Variants in RAD51B observed in about 807,000 individuals in gnomAD.
RAD51B encodes DNA repair protein RAD51 homolog 2.
A neutral mutation model predicts 42.2 loss-of-function variants in RAD51B; 38 were observed. The observed-to-expected ratio is 0.90, with a 90% CI of 0.70 to 1.18. RAD51B has a LOEUF of 1.18. RAD51B is among the 50% of genes most tolerant of loss of function. The probability of loss-of-function intolerance (pLI) is 0.00; values close to 1 mark genes in which losing one functional copy is unlikely to be tolerated. For missense variants in RAD51B, 373 were observed against 400.7 expected (o/e 0.93, Z 0.59); for synonymous variants, 154 against 145.2 (o/e 1.06, Z -0.43).
chr14:67,872,447 A>T (rs2042573114), intron 5 of RAD51B, among the ~76,000 whole-genome samples: 4 of 146,582 alleles, frequency 2.7e-5, no homozygotes, highest in African/African-American at 7.6e-5. Context: ...GAGGATACAA[A>T]CAAATGGAAG....
At chr14:68,639,392 T>C (rs1462433804) in intron 10 of RAD51B, among the ~76,000 whole-genome samples, 1 of 143,344 alleles carries the variant, frequency 7.0e-6, no homozygotes, top group Non-Finnish European at 1.5e-5. Context: ...GGCAGGAGGC[T>C]TTTATGAGCC....
At chr14:68,321,669 G>A (rs1324372323) in intron 8 of RAD51B, among the ~76,000 whole-genome samples, 3 of 152,144 alleles carry the variant, frequency 2.0e-5, no homozygotes, top group African/African-American at 7.2e-5. Flanking sequence ...TGCCCTTTCT[G>A]TAAAAAAAGG....
chr14:67,967,491 T>G (rs2074804699), intron 7 of RAD51B, among the ~76,000 whole-genome samples: 1 of 152,220 alleles, frequency 6.6e-6, no homozygotes, highest in South Asian at 2.1e-4. Flanking sequence ...AGTTGTTTCC[T>G]AGACACAATA....
Position 68,504,463 on chromosome 14 carries a change from T to A in RAD51B, c.1036+36213T>A, listed in dbSNP as rs567237919. On this transcript the variant is annotated intron_variant, in intron 10 of 10. Transcript: ENST00000487270. ...GGTGCCGAAGCCTGAGCTGGACCAC[T>A]CACTTTAGGTAATGCCACAGCAGAC... Among the ~76,000 whole-genome samples the A allele has an allele frequency of 2.0e-5, 3 of 152,270 alleles. No homozygotes were observed. In the East Asian group the frequency reaches 5.8e-4, roughly 29 times the overall value.
intron 10 of RAD51B, chr14:68,540,187 TTTTTA>T: frequency 1.0e-5 from 10 of 960,604 alleles, no homozygotes; most frequent in African/African-American, 7.1e-5. Flanking sequence ...TTTTTTTTTT[TTTTTA>T]AATACAGGAT....
chr14:68,093,090 G>A (rs1476800976), intron 7 of RAD51B, among the ~76,000 whole-genome samples: 6 of 149,372 alleles, frequency 4.0e-5, no homozygotes, highest in Admixed American at 1.3e-4. Flanking sequence ...TGTGTTGCTG[G>A]ATTCGGTTTG....
intron 7 of RAD51B, among the ~76,000 whole-genome samples, chr14:68,256,228 C>T (rs906790877): frequency 3.3e-5 from 5 of 152,154 alleles, no homozygotes; most frequent in Non-Finnish European, 4.4e-5. Context: ...ATCTTTGTCA[C>T]CTGTCCAGGG....
intron 7 of RAD51B, among the ~76,000 whole-genome samples, chr14:68,166,317 C>T (rs958313730): frequency 2.6e-5 from 4 of 151,840 alleles, no homozygotes; most frequent in African/African-American, 9.7e-5. Context: ...CCAATAGGTA[C>T]AAAATACTAA....
chr14:67,830,774 G>A (rs1039473027), intron 3 of RAD51B, among the ~76,000 whole-genome samples: 1 of 152,024 alleles, frequency 6.6e-6, no homozygotes, highest in African/African-American at 2.4e-5. Flanking sequence ...TGTCAGAGAT[G>A]ATTCTCTGAC....
chr14:67,886,843 T>C (rs2043074576), intron 6 of RAD51B, 178 bp from the exon 7 acceptor site: 1 of 421,646 alleles, frequency 2.4e-6, no homozygotes, highest in Non-Finnish European at 4.1e-6. Flanking sequence ...AACAGTTTGC[T>C]CTGTTTCCAG....
At chr14:67,826,445 G>A (rs969627628) in intron 3 of RAD51B, among the ~76,000 whole-genome samples, 3 of 152,162 alleles carry the variant, frequency 2.0e-5, no homozygotes, top group Non-Finnish European at 4.4e-5. Context: ...TAGATTTGGA[G>A]CATGATAGAA....
At chr14:68,292,079 C>T (rs982709709) in intron 8 of RAD51B, 99 bp downstream of exon 8, 6 of 1,133,016 alleles carry the variant, frequency 5.3e-6, no homozygotes, top group Admixed American at 1.9e-5. Flanking sequence ...GGCTAATAGG[C>T]CCTGGCCAGT....
chr14:68,330,054 C>A (rs895479828), intron 8 of RAD51B, among the ~76,000 whole-genome samples: 37 of 151,376 alleles, frequency 2.4e-4, no homozygotes, highest in African/African-American at 9.0e-4. Context: ...GAAAAAAACA[C>A]TCCAAAATCT....
At chr14:68,187,536 T>G (rs1348849891) in intron 7 of RAD51B, among the ~76,000 whole-genome samples, 1 of 152,198 alleles carries the variant, frequency 6.6e-6, no homozygotes, top group African/African-American at 2.4e-5. Flanking sequence ...TCATTTAAAT[T>G]ACATTTATCC....
intron 8 of RAD51B, among the ~76,000 whole-genome samples, chr14:68,396,289 G>A (rs887297697): frequency 3.3e-5 from 5 of 152,172 alleles, no homozygotes; most frequent in East Asian, 1.9e-4. Context: ...GTACTATGTC[G>A]TTGTCCCTCT....
rs562583553 is a variant in RAD51B at position 68,622,438 on chromosome 14, G to A, written c.1037-28343G>A. ...CAAATATGGATCAAGTAATTAAAGCGGGAGGCTGTTTACCAAAAGGGAGTT... is the reference window on the plus strand; with the variant it reads ...CAAATATGGATCAAGTAATTAAAGCAGGAGGCTGTTTACCAAAAGGGAGTT... On this transcript the variant is annotated intron_variant, in intron 10 of 11. Transcript: ENST00000488612. Among the ~76,000 whole-genome samples the A allele has an allele frequency of 3.9e-5, 6 of 152,248 alleles. No individual in the cohort carries two copies. In the East Asian group the frequency reaches 5.8e-4, roughly 15 times the overall value.
At chr14:67,829,236 TTTTC>T (rs1453995794) in intron 3 of RAD51B, among the ~76,000 whole-genome samples, 1 of 151,234 alleles carries the variant, frequency 6.6e-6, no homozygotes, top group African/African-American at 2.4e-5. Context: ...AGGTATTTTC[TTTTC>T]TTTCTTTCTT....
At chr14:68,519,633 G>A (rs1448757607) in intron 10 of RAD51B, among the ~76,000 whole-genome samples, 7 of 152,210 alleles carry the variant, frequency 4.6e-5, no homozygotes, top group Non-Finnish European at 8.8e-5. Flanking sequence ...TTTCCAACTT[G>A]AGACTTTGAC....
chr14:68,552,742 A>C (rs1322001910), intron 10 of RAD51B, among the ~76,000 whole-genome samples: 1 of 152,200 alleles, frequency 6.6e-6, no homozygotes, highest in African/African-American at 2.4e-5. Context: ...AGGCATTTCC[A>C]TTCTCCACGC....
Sources: gnomAD v4.1 joint callset for allele counts (sites outside exome capture counted in the v4.1 genomes callset) on GRCh38, gnomAD v4.1.1 for gene constraint, MANE v1.5 for transcripts, NCBI Gene and HGNC (gene_info 2026-07-23, HGNC 2026-07-21) for gene names.